PPP2R5C: variants seen among roughly 807,000 people sequenced by gnomAD.
PPP2R5C encodes the protein protein phosphatase 2 regulatory subunit B'gamma.
A neutral mutation model predicts 68.9 loss-of-function variants in PPP2R5C; 7 were observed. The ratio of observed to expected loss-of-function variants is 0.10; its 90% CI spans 0.06 to 0.19. The LOEUF is 0.19. PPP2R5C is among the 10% of genes least tolerant of loss of function. The pLI is 1.00. For synonymous variants in PPP2R5C, 210 were observed against 222.2 expected (o/e 0.95, Z 0.49); for missense variants, 348 against 641.3 (o/e 0.54, Z 4.94).
rs1490448018 is a variant in PPP2R5C, at chr14:101,877,045, T to A, written c.295-5116T>A. Among the ~76,000 whole-genome samples, 1 of 147,002 alleles carries A rather than the reference T, an allele frequency of 6.8e-6. No individual in the cohort carries two copies. The highest frequency in any genetic ancestry group is 2.5e-5 in the African/African-American group (1 of 39,480). On this transcript the variant is annotated intron_variant, in intron 2 of 13. Coordinates refer to ENST00000334743, the Ensembl canonical transcript of PPP2R5C. This position sits in a 1 kb window ranked among gnomAD's most constrained non-coding sequence, Gnocchi z 4.2. ...TTCACTGCAACTTCCACCTCCCAGA[T>A]TCAAGTGATTCTCCTGCCTCAGCCT...
Position 101,916,441 on chromosome 14 carries a change from C to T in PPP2R5C, c.1327-1390C>T, listed in dbSNP as rs967083316. On this transcript the variant is annotated intron_variant, in intron 12 of 13. Transcript: ENST00000334743. The surrounding 1 kb of genome is among the most constrained non-coding windows in gnomAD (Gnocchi z 5.5). ...GGGTGTGGGAAAAGGCCGAAGACAG[C>T]CCACAGAGGAAGGAGCCCAAGGCAC... Among the ~76,000 whole-genome samples, 10 of 152,094 alleles carry T rather than the reference C, an allele frequency of 6.6e-5. No homozygotes were observed. The highest frequency in any genetic ancestry group is 2.4e-4 in the African/African-American group (10 of 41,398).
intron 3 of PPP2R5C, among the ~76,000 whole-genome samples, chr14:101,787,754 G>A (rs1047871215): frequency 1.7e-4 from 23 of 135,326 alleles, no homozygotes; most frequent in Admixed American, 3.9e-4. Context: ...GCGACAGAGC[G>A]AGACTCCATC....
intron 2 of PPP2R5C, among the ~76,000 whole-genome samples, chr14:101,780,979 T>A (rs1167772446): frequency 6.6e-6 from 1 of 152,184 alleles, no homozygotes; most frequent in African/African-American, 2.4e-5. Flanking sequence ...AGCCTGAGCC[T>A]TGCTTTCCTC....
Position 101,787,698 on chromosome 14 carries a change from C to T in PPP2R5C, c.259+1515C>T, listed in dbSNP as rs550889099. On this transcript the variant is annotated intron_variant, in intron 3 of 14. Transcript: ENST00000328724. ...GGGAGAATGGCGTGAACCCGGGAGG[C>T]AGAGCTTGCAGTGAGCTGAGATCGT... is the stretch of plus-strand genomic sequence containing the variant. Among the ~76,000 whole-genome samples the T allele has an allele frequency of 2.1e-5, 3 of 144,338 alleles. No individual in the cohort carries two copies. In the East Asian group the frequency reaches 6.1e-4, roughly 29 times the overall value. 94.7% of individuals were successfully genotyped at this position (144,338 alleles called of 152,430 possible).
intron 1 of PPP2R5C, among the ~76,000 whole-genome samples, chr14:101,839,837 G>A (rs986622997): frequency 6.6e-6 from 1 of 152,190 alleles, no homozygotes; most frequent in African/African-American, 2.4e-5. Flanking sequence ...GGGGGTGTGG[G>A]TAGAGAACAG....
chr14:101,779,480 G>A (rs2140016124), intron 2 of PPP2R5C, among the ~76,000 whole-genome samples: 1 of 152,282 alleles, frequency 6.6e-6, no homozygotes, highest in Admixed American at 6.5e-5. Context: ...GTGTGGGGGT[G>A]AGAGTTTGGG....
At chr14:101,910,225 G>A (rs962126789) in intron 11 of PPP2R5C, among the ~76,000 whole-genome samples, 4 of 152,140 alleles carry the variant, frequency 2.6e-5, no homozygotes, top group African/African-American at 9.7e-5. Flanking sequence ...AAAGTACTTC[G>A]TCCCTAGGCT....
Position 101,825,707 on chromosome 14 carries a change from T to A in PPP2R5C, c.94+15671T>A, listed in dbSNP as rs1339464783. Among the ~76,000 whole-genome samples the A allele has an allele frequency of 6.6e-6, 1 of 152,242 alleles. No individual in the cohort carries two copies. Among genetic ancestry groups the A allele is most frequent in the Non-Finnish European group, 1.5e-5 (1 of 68,028 alleles). ...AGATATTCTCACTGTGTAGTTAGCCTGTTCAGTTTTTGTAGGTGAATGGTA... is the reference window on the plus strand; with the variant it reads ...AGATATTCTCACTGTGTAGTTAGCCAGTTCAGTTTTTGTAGGTGAATGGTA... On this transcript the variant is annotated intron_variant, in intron 1 of 13. Coordinates refer to ENST00000334743, the Ensembl canonical transcript of PPP2R5C. This position sits in a 1 kb window ranked among gnomAD's most constrained non-coding sequence, Gnocchi z 4.0.
chr14:101,821,483 G>GTGTT (rs1456829369), intron 1 of PPP2R5C, among the ~76,000 whole-genome samples: 43 of 151,240 alleles, frequency 2.8e-4, no homozygotes, highest in Non-Finnish European at 1.8e-4. Context: ...GTGTGTGTGT[G>GTGTT]TATTTATCCA....
chr14:101,823,983 A>T lies in PPP2R5C; in HGVS notation c.94+13947A>T, dbSNP rs747351909. 3.9e-6 allele frequency: 5 copies of T among 1,289,138 alleles called. No individual in the cohort carries two copies. The South Asian group carries it at 6.2e-5, about 16-fold the overall frequency. 79.9% of individuals were successfully genotyped at this position (1,289,138 alleles called of 1,614,324 possible). Reference sequence around the variant, plus strand: ...AGGGTTTGTGGTTATGGATGAAATTAACTTATCTGAGCCTTACATTGTCTC... The same window carrying T: ...AGGGTTTGTGGTTATGGATGAAATTTACTTATCTGAGCCTTACATTGTCTC... On this transcript the variant is annotated intron_variant, in intron 1 of 13. Coordinates refer to ENST00000334743, the Ensembl canonical transcript of PPP2R5C.
intron 2 of PPP2R5C, among the ~76,000 whole-genome samples, chr14:101,770,920 A>G (rs2037111931): frequency 6.6e-6 from 1 of 152,260 alleles, no homozygotes; most frequent in Non-Finnish European, 1.5e-5. Context: ...GAATATTTCA[A>G]TTCGAAGATG....
chr14:101,853,210 T>C (rs1176363428), intron 1 of PPP2R5C, among the ~76,000 whole-genome samples: 1 of 152,132 alleles, frequency 6.6e-6, no homozygotes, highest in Non-Finnish European at 1.5e-5. Flanking sequence ...GTTTTTTACT[T>C]TTTTACCCAA....
At chr14:101,776,065 G>T (rs1361376342) in intron 2 of PPP2R5C, among the ~76,000 whole-genome samples, 1 of 125,236 alleles carries the variant, frequency 8.0e-6, no homozygotes, top group Non-Finnish European at 1.6e-5. Context: ...AGAAAATGCA[G>T]CTGGTGCTCG....
At chr14:101,886,232 G>A (rs1196973638) in intron 5 of PPP2R5C, among the ~76,000 whole-genome samples, 1 of 149,936 alleles carries the variant, frequency 6.7e-6, no homozygotes, top group Non-Finnish European at 1.5e-5. Context: ...AGTGAGCCGA[G>A]ATCGTGCCAC....
At position 101,882,763 on chromosome 14, in the gene PPP2R5C, C is replaced by T. The variant is rs2044241880; in HGVS notation, c.405+492C>T. ...ATCCGTGACAGGCGGCCCACGCTGTCCCACCCAGCATGTCTGCACAGGGAA... is the reference window on the plus strand; with the variant it reads ...ATCCGTGACAGGCGGCCCACGCTGTTCCACCCAGCATGTCTGCACAGGGAA... On this transcript the variant is annotated intron_variant, in intron 3 of 13. Coordinates refer to ENST00000334743, the Ensembl canonical transcript of PPP2R5C. This position sits in a 1 kb window ranked among gnomAD's most constrained non-coding sequence, Gnocchi z 4.9. 1 of 162,328 alleles carries T rather than the reference C, an allele frequency of 6.2e-6. No individual in the cohort carries two copies. 10.1% of individuals were successfully genotyped at this position (162,328 alleles called of 1,614,324 possible). A position where few individuals can be genotyped will look rare whatever the true frequency, so the allele number is the denominator to read the frequency against.
At chr14:101,921,912 A>G (rs1295675865) in intron 13 of PPP2R5C, 1 of 892,344 alleles carries the variant, frequency 1.1e-6, no homozygotes, top group Non-Finnish European at 1.3e-6. Flanking sequence ...TTCAAAGAAA[A>G]CTAGCAAATA....
upstream of PPP2R5C, among the ~76,000 whole-genome samples, chr14:101,807,489 A>G (rs2039122480): frequency 6.6e-6 from 1 of 152,198 alleles, no homozygotes; most frequent in South Asian, 2.1e-4. Flanking sequence ...AAGTACCTGG[A>G]AAAATAGAGG....
chr14:101,858,875 G>A (rs995512248), intron 2 of PPP2R5C, among the ~76,000 whole-genome samples: 1 of 152,084 alleles, frequency 6.6e-6, no homozygotes, highest in Non-Finnish European at 1.5e-5. Flanking sequence ...GCTTGAAACC[G>A]CCTCTCGTTT....
intron 1 of PPP2R5C, among the ~76,000 whole-genome samples, chr14:101,814,512 A>G (rs144272716): frequency 1.5e-4 from 23 of 152,334 alleles, no homozygotes; most frequent in African/African-American, 5.3e-4. Flanking sequence ...ACACACTCTC[A>G]TCCACCTCCC....
Sources: allele counts gnomAD v4.1 joint callset (sites outside exome capture counted in the v4.1 genomes callset), GRCh38; gene constraint gnomAD v4.1.1; non-coding constraint Gnocchi (gnomAD v3.1); transcripts MANE v1.5; gene names NCBI Gene and HGNC (gene_info 2026-07-23, HGNC 2026-07-21).